The following PLCB1 variants were observed in gnomAD, a reference collection of about 807,000 sequenced individuals.
PLCB1 encodes the protein 1-phosphatidylinositol 4,5-bisphosphate phosphodiesterase beta-1.
A neutral mutation model predicts 161.8 loss-of-function variants in PLCB1; 46 were observed. That is an observed-to-expected ratio of 0.28 (90% CI 0.22 to 0.36). The LOEUF is 0.36. Among genes scored for constraint, PLCB1 ranks in the 10% least tolerant of loss-of-function variants. The probability of loss-of-function intolerance (pLI) is 1.00; values close to 1 mark genes in which losing one functional copy is unlikely to be tolerated. For missense variants in PLCB1, 1,016 were observed against 1,472.5 expected (o/e 0.69, Z 5.07); for synonymous variants, 517 against 503.7 (o/e 1.03, Z -0.35).
At chr20:8,724,844 TA>T (rs1296968814) in intron 16 of PLCB1, 92 bp downstream of exon 16, 1 of 713,456 alleles carries the variant, frequency 1.4e-6, no homozygotes, top group African/African-American at 1.8e-5. Context: ...TTACCCTTAA[TA>T]GAGAGATTTA....
chr20:8,280,596 A>G (rs1037889975), intron 2 of PLCB1, among the ~76,000 whole-genome samples: 38 of 152,194 alleles, frequency 2.5e-4, no homozygotes, highest in Non-Finnish European at 2.9e-5. Flanking sequence ...AGGAAATGTA[A>G]ATACTTGTTT....
At chr20:8,666,862 G>C (rs1369615597) in intron 9 of PLCB1, among the ~76,000 whole-genome samples, 1 of 152,060 alleles carries the variant, frequency 6.6e-6, no homozygotes, top group African/African-American at 2.4e-5. Flanking sequence ...ATAGAGGGGA[G>C]CCTGGAGTAC....
Position 8,556,653 on chromosome 20 carries a change from TTGGGTGTGTG to T in PLCB1, c.247-71638_247-71629del, listed in dbSNP as rs1049717767. ...TGTAAACAGCCAGGCTAGGAGAGGG[TTGGGTGTGTG>T]TGTGTGTGTGTGTGTGTGTGTGTGT... On this transcript the variant is annotated intron_variant, in intron 3 of 31. Transcript: ENST00000338037. Among the ~76,000 whole-genome samples, 16 of 110,576 alleles carry T rather than the reference TTGGGTGTGTG, an allele frequency of 1.4e-4. No individual in the cohort carries two copies. In the East Asian group the frequency reaches 2.4e-3, roughly 17 times the overall value. The allele number at this position is 110,576 out of a possible 152,430, so 72.5% of individuals were successfully genotyped here.
At chr20:8,407,289 A>G (rs1379525742) in intron 3 of PLCB1, among the ~76,000 whole-genome samples, 1 of 152,226 alleles carries the variant, frequency 6.6e-6, no homozygotes, top group Non-Finnish European at 1.5e-5. Context: ...ACAGATAACG[A>G]GTATCTTCCA....
At chr20:8,204,523 T>A (rs528147451) in intron 2 of PLCB1, among the ~76,000 whole-genome samples, 1 of 152,166 alleles carries the variant, frequency 6.6e-6, no homozygotes, top group East Asian at 1.9e-4. Flanking sequence ...GTTTGGCTCA[T>A]GGGGGCAGAT....
intron 2 of PLCB1, among the ~76,000 whole-genome samples, chr20:8,175,117 A>G (rs2051769114): frequency 6.6e-6 from 1 of 152,024 alleles, no homozygotes; most frequent in African/African-American, 2.4e-5. Context: ...TTTTGCACCA[A>G]CCTAATAACA....
chr20:8,758,546 A>T (rs970607550), intron 24 of PLCB1, among the ~76,000 whole-genome samples: 2 of 152,032 alleles, frequency 1.3e-5, no homozygotes, highest in Non-Finnish European at 2.9e-5. Context: ...GCACCACTGC[A>T]CTCCAGCCTG....
At chr20:8,287,348 A>T (rs1269690679) in intron 2 of PLCB1, among the ~76,000 whole-genome samples, 1 of 152,168 alleles carries the variant, frequency 6.6e-6, no homozygotes, top group Non-Finnish European at 1.5e-5. Flanking sequence ...GGGATCACGA[A>T]TATTTAATAA....
chr20:8,274,725 T>G (rs1982445520), intron 2 of PLCB1, among the ~76,000 whole-genome samples: 1 of 152,292 alleles, frequency 6.6e-6, no homozygotes, highest in South Asian at 2.1e-4. Flanking sequence ...TATGAGATCT[T>G]CCATGTTGGC....
intron 2 of PLCB1, among the ~76,000 whole-genome samples, chr20:8,194,362 C>A (rs952813646): frequency 2.0e-5 from 3 of 151,940 alleles, no homozygotes; most frequent in African/African-American, 7.2e-5. Flanking sequence ...GTGTTGCAGT[C>A]CAAAGTGCCA....
chr20:8,384,808 G>A (rs1413448606), intron 3 of PLCB1, among the ~76,000 whole-genome samples: 1 of 152,142 alleles, frequency 6.6e-6, no homozygotes, highest in Non-Finnish European at 1.5e-5. Context: ...GCAGTTTGCT[G>A]GGGGTTCACT....
intron 9 of PLCB1, among the ~76,000 whole-genome samples, chr20:8,676,387 G>C (rs1990074540): frequency 6.7e-6 from 1 of 149,510 alleles, no homozygotes; most frequent in South Asian, 2.1e-4. Context: ...AAAGAAGAAA[G>C]AGAGACAAAG....
rs1436953165 is a variant in PLCB1, at chr20:8,318,544, T to C, written c.178-52838T>C. ...GCGCTGAGATTGTTTTATTCATCCC[T>C]GAGTTCTCAGAGGTTAGCACAATAC... On this transcript the variant is annotated intron_variant, in intron 2 of 31. Transcript: ENST00000338037. Among the ~76,000 whole-genome samples, 6 of 151,912 alleles carry C rather than the reference T, an allele frequency of 3.9e-5. No individual in the cohort carries two copies. In the South Asian group the frequency reaches 1.3e-3, roughly 32 times the overall value.
chr20:8,735,624 ATTTAG>A (rs1453375300), intron 19 of PLCB1, among the ~76,000 whole-genome samples: 1 of 152,240 alleles, frequency 6.6e-6, no homozygotes, highest in Non-Finnish European at 1.5e-5. Flanking sequence ...GGTGTCATGA[ATTTAG>A]TTTAGGACTC....
chr20:8,417,024 TATACAC>T (rs1249304584), intron 3 of PLCB1, among the ~76,000 whole-genome samples: 1 of 87,646 alleles, frequency 1.1e-5, no homozygotes, highest in Admixed American at 1.2e-4. Context: ...CATATATGTG[TATACAC>T]ACACACACAC....
intron 31 of PLCB1, among the ~76,000 whole-genome samples, chr20:8,817,191 A>T (rs753574642): frequency 6.6e-6 from 1 of 152,230 alleles, no homozygotes. Context: ...AAAACTCTGT[A>T]TAACTTTTTA....
At chr20:8,603,531 A>G (rs1462668854) in intron 3 of PLCB1, among the ~76,000 whole-genome samples, 1 of 152,196 alleles carries the variant, frequency 6.6e-6, no homozygotes, top group African/African-American at 2.4e-5. Context: ...TGTCCATTCA[A>G]CTGTGTCTAA....
At chr20:8,432,154 G>A (rs1020062911) in intron 3 of PLCB1, among the ~76,000 whole-genome samples, 3 of 152,146 alleles carry the variant, frequency 2.0e-5, no homozygotes, top group African/African-American at 7.2e-5. Flanking sequence ...ACAATCTGAA[G>A]CGTGAGGAGG....
intron 3 of PLCB1, among the ~76,000 whole-genome samples, chr20:8,620,968 T>C (rs1988168111): frequency 6.6e-6 from 1 of 152,032 alleles, no homozygotes; most frequent in South Asian, 2.1e-4. Flanking sequence ...CATCTAACTA[T>C]AGCACAGTAC....
Sources: gnomAD v4.1 joint callset for allele counts (sites outside exome capture counted in the v4.1 genomes callset) on GRCh38, gnomAD v4.1.1 for gene constraint, MANE v1.5 for transcripts, NCBI Gene and HGNC (gene_info 2026-07-23, HGNC 2026-07-21) for gene names.